The following DOCK8 variants were observed in gnomAD, a reference collection of about 807,000 sequenced individuals.
DOCK8 encodes the protein dedicator of cytokinesis 8.
In DOCK8, 141 loss-of-function variants were observed where a neutral mutation model predicts 245.6. That is an observed-to-expected ratio of 0.57 (90% CI 0.50 to 0.66). DOCK8 has a LOEUF of 0.66. Ranked by LOEUF, DOCK8 falls within the 30% of genes least tolerant of loss-of-function variation. DOCK8 has a pLI of 0.00. For missense variants in DOCK8, 2,965 were observed against 2,603.4 expected, an observed-to-expected ratio of 1.14 and a Z score of -3.02; for synonymous variants, 1,168 against 970.2, an observed-to-expected ratio of 1.20 and a Z score of -3.79.
chr9:312,093 A>T lies in DOCK8; in HGVS notation c.668A>T (p.Glu223Val), dbSNP rs751652375. 6.2e-7 allele frequency: 1 copy of T among 1,614,212 alleles called. No individual in the cohort carries two copies. Among genetic ancestry groups the T allele is most frequent in the Admixed American group, 1.7e-5 (1 of 60,022 alleles). The change falls in exon 6 of 48, where the codon GAG becomes GTG. Residue 223 changes from glutamate to valine, a missense_variant. Physicochemically the swap from Glu to Val is moderately radical, Grantham distance 121. Transcript: ENST00000432829. ...LLQQVSAEDFEKQNEEARRTN... is the reference protein window; with the variant it reads ...LLQQVSAEDFVKQNEEARRTN... ...CAGCAAGTGAGTGCCGAGGACTTTG[A>T]GAAGCAGAACGAGGAGGCCCGGAGG...
intron 46 of DOCK8, among the ~76,000 whole-genome samples, chr9:453,430 A>G (rs1421812027): frequency 5.9e-5 from 9 of 152,008 alleles, no homozygotes. Context: ...TTATTTTATT[A>G]TTTTATTTTA....
intron 1 of DOCK8, chr9:215,647 A>G (rs2046733356): frequency 2.4e-6 from 1 of 418,308 alleles, no homozygotes; most frequent in East Asian, 4.1e-5. Flanking sequence ...ACCAAAAGAA[A>G]TGGCCTGTGG....
intron 43 of DOCK8, 60 bp downstream of exon 43, chr9:443,576 A>G: frequency 7.6e-7 from 1 of 1,316,180 alleles, no homozygotes. Context: ...TCTCTACCCA[A>G]GAATACCTAA....
At chr9:394,700 C>G (rs1265827674) in intron 24 of DOCK8, among the ~76,000 whole-genome samples, 1 of 152,180 alleles carries the variant, frequency 6.6e-6, no homozygotes, top group Non-Finnish European at 1.5e-5. Context: ...CATGAAGTTC[C>G]ACATTAAGGG....
rs2131692356 is a variant in DOCK8 at position 426,870 on chromosome 9, C to T, written c.4242-15C>T. On this transcript the variant is annotated splice_polypyrimidine_tract_variant and intron_variant, in intron 33 of 47. Transcript: ENST00000432829. Reference sequence around the variant, plus strand: ...TTTGACATGCGCTTTAATTTGACCTCTTGTTGTTTCCTAGAACAAAGGCCG... The same window carrying T: ...TTTGACATGCGCTTTAATTTGACCTTTTGTTGTTTCCTAGAACAAAGGCCG... 3 of 1,612,938 alleles carry T rather than the reference C, an allele frequency of 1.9e-6. No homozygotes were observed. Among genetic ancestry groups the T allele is most frequent in the Middle Eastern group, 1.7e-4 (1 of 6,060 alleles).
At chr9:447,148 C>A (rs1354812901) in intron 44 of DOCK8, among the ~76,000 whole-genome samples, 1 of 152,086 alleles carries the variant, frequency 6.6e-6, no homozygotes, top group African/African-American at 2.4e-5. Context: ...GTTTCTTCAT[C>A]TATGCATTAG....
intron 13 of DOCK8, 148 bp downstream of exon 13, chr9:339,247 CTA>C (rs1172399428): frequency 1.3e-5 from 10 of 748,126 alleles, no homozygotes; most frequent in Admixed American, 8.8e-5. Flanking sequence ...CTGAATTGTT[CTA>C]TGTCTTTGGC....
At chr9:305,528 G>T (rs375329174) in intron 5 of DOCK8, among the ~76,000 whole-genome samples, 10 of 152,138 alleles carry the variant, frequency 6.6e-5, no homozygotes, top group Admixed American at 2.6e-4. Flanking sequence ...CTTGTGATCC[G>T]CCCGCCTCGG....
At position 443,522 on chromosome 9, in the gene DOCK8, C is replaced by T. The variant is rs1348023074; in HGVS notation, c.5580+6C>T. On this transcript the variant is annotated splice_donor_region_variant and intron_variant, in intron 43 of 47. Coordinates refer to ENST00000432829, the MANE Select transcript of DOCK8 (RefSeq NM_203447.4). ...CCAAGTTGGATCCTAACAAGGTATA[C>T]AAAAATTTACAAAAACTAACCATCA... 22 of 1,609,152 alleles carry T rather than the reference C, an allele frequency of 1.4e-5. No individual in the cohort carries two copies. The highest frequency in any genetic ancestry group is 1.9e-5 in the Non-Finnish European group (22 of 1,175,882).
upstream of DOCK8, chr9:214,417 G>T (rs1276961622): frequency 6.1e-6 from 8 of 1,318,434 alleles, no homozygotes; most frequent in Non-Finnish European, 8.5e-6. Context: ...TGCAAAAGTT[G>T]ATTTGAATCC....
intron 14 of DOCK8, among the ~76,000 whole-genome samples, chr9:344,303 A>C (rs1343321972): frequency 6.6e-6 from 1 of 152,100 alleles, no homozygotes; most frequent in African/African-American, 2.4e-5. Context: ...CTTGGTTTGG[A>C]ATCTTACTTC....
At chr9:343,855 GT>G in intron 14 of DOCK8, among the ~76,000 whole-genome samples, 1 of 152,228 alleles carries the variant, frequency 6.6e-6, no homozygotes, top group East Asian at 1.9e-4. Context: ...GAATTCTGTA[GT>G]TATTCAACTT....
intron 30 of DOCK8, chr9:420,175 C>G: frequency 1.7e-6 from 1 of 592,686 alleles, no homozygotes. Flanking sequence ...TCAAATACTG[C>G]CCCAGGTGAG....
At chr9:412,424 AAAAG>A (rs993275304) in intron 28 of DOCK8, among the ~76,000 whole-genome samples, 2 of 151,296 alleles carry the variant, frequency 1.3e-5, no homozygotes, top group Non-Finnish European at 1.5e-5. Flanking sequence ...AAAAAAAAGA[AAAAG>A]AAGAAAAGAA....
chr9:276,898 TC>T, intron 2 of DOCK8: 2 of 252,212 alleles, frequency 7.9e-6, no homozygotes, highest in Non-Finnish European at 8.6e-6. Context: ...AACCTCCGCC[TC>T]CCAGGCTCAA....
intron 1 of DOCK8, among the ~76,000 whole-genome samples, chr9:230,984 T>A (rs2047103262): frequency 6.6e-6 from 1 of 152,162 alleles, no homozygotes; most frequent in African/African-American, 2.4e-5. Flanking sequence ...CCCATGCCTA[T>A]GTCCTGAATG....
intron 1 of DOCK8, among the ~76,000 whole-genome samples, chr9:238,853 G>A (rs539559844): frequency 4.6e-5 from 7 of 152,134 alleles, no homozygotes; most frequent in East Asian, 1.9e-4. Context: ...ATTCCAGTTC[G>A]GGGTCGTGGA....
chr9:334,145 A>T, intron 10 of DOCK8, 80 bp from the exon 11 acceptor site: 2 of 1,517,544 alleles, frequency 1.3e-6, no homozygotes, highest in Non-Finnish European at 1.8e-6. Flanking sequence ...GATTTTGGAG[A>T]TGGCTGTCAT....
intron 27 of DOCK8, among the ~76,000 whole-genome samples, chr9:405,704 A>AT (rs2055384140): frequency 6.6e-6 from 1 of 152,126 alleles, no homozygotes; most frequent in Non-Finnish European, 1.5e-5. Context: ...AAAATTTCTC[A>AT]TTATTAGGTT....
Sources: gnomAD v4.1 joint callset for allele counts (sites outside exome capture counted in the v4.1 genomes callset) on GRCh38, gnomAD v4.1.1 for gene constraint, MANE v1.5 for transcripts, NCBI Gene and HGNC (gene_info 2026-07-23, HGNC 2026-07-21) for gene names.